The following SKAP2 variants were observed in gnomAD, a reference collection of about 807,000 sequenced individuals.
SKAP2 encodes the protein src kinase associated phosphoprotein 2.
Under a neutral mutation model 54.9 loss-of-function variants are expected in SKAP2, and 28 were observed. That is an observed-to-expected ratio of 0.51 (90% confidence interval 0.38 to 0.70). SKAP2 has a LOEUF of 0.70. SKAP2 is among the 30% of genes least tolerant of loss of function. The pLI, the probability that SKAP2 is intolerant of heterozygous loss-of-function variation, is 0.00. For synonymous variants in SKAP2, 137 were observed against 134.3 expected (o/e 1.02, Z -0.14); for missense variants, 356 against 424.1 (o/e 0.84, Z 1.41).
intron 4 of SKAP2, among the ~76,000 whole-genome samples, chr7:26,761,935 A>G (rs1782941386): frequency 1.3e-5 from 2 of 152,156 alleles, no homozygotes. Flanking sequence ...TGACCTTTCC[A>G]TGTCAAGAAT....
chr7:26,697,734 TAAGC>T (rs1398957441), intron 9 of SKAP2, among the ~76,000 whole-genome samples: 1 of 152,132 alleles, frequency 6.6e-6, no homozygotes, highest in Non-Finnish European at 1.5e-5. Flanking sequence ...AAAATAGAGA[TAAGC>T]AAAATAAATA....
chr7:26,678,442 CT>C (rs931425488), intron 11 of SKAP2, among the ~76,000 whole-genome samples: 366 of 133,772 alleles, frequency 2.7e-3, no homozygotes, highest in Middle Eastern at 7.8e-3. Flanking sequence ...ACTGGTTGTT[CT>C]TTTTTTTTTT....
chr7:26,832,418 T>G (rs566376195), intron 4 of SKAP2, among the ~76,000 whole-genome samples: 3 of 152,208 alleles, frequency 2.0e-5, no homozygotes, highest in Non-Finnish European at 2.9e-5. Context: ...AGACTAGTTA[T>G]GAAAAAGTTT....
chr7:26,805,982 C>CA (rs957267418), intron 4 of SKAP2, among the ~76,000 whole-genome samples: 9 of 152,060 alleles, frequency 5.9e-5, no homozygotes, highest in African/African-American at 2.2e-4. Context: ...TGGTAATTTT[C>CA]ACATCTGAAA....
intron 4 of SKAP2, among the ~76,000 whole-genome samples, chr7:26,752,982 T>C (rs1376836986): frequency 6.6e-6 from 1 of 152,210 alleles, no homozygotes; most frequent in Non-Finnish European, 1.5e-5. Context: ...CCTGGGTAAC[T>C]GAAAGGATTA....
At position 26,702,286 on chromosome 7, in the gene SKAP2, C is replaced by A. The variant is rs545150131; in HGVS notation, c.797-11924G>T. On this transcript the variant is annotated intron_variant, in intron 9 of 12. Coordinates refer to ENST00000345317, the MANE Select transcript of SKAP2 (RefSeq NM_003930.5). ...CCTCCCAAGTAGCTGAGACTGCAGG[C>A]GCACACTACTACATCCGGCTGATTT... 2.0e-5 allele frequency among the ~76,000 whole-genome samples: 3 copies of A among 152,160 alleles called. No homozygotes were observed. The East Asian group carries it at 5.8e-4, about 29-fold the overall frequency.
At chr7:26,679,929 C>A (rs900064720) in intron 11 of SKAP2, among the ~76,000 whole-genome samples, 1 of 152,146 alleles carries the variant, frequency 6.6e-6, no homozygotes, top group African/African-American at 2.4e-5. Context: ...CAAAAAGTAC[C>A]CTTTTATTTT....
intron 4 of SKAP2, among the ~76,000 whole-genome samples, chr7:26,745,653 T>C (rs888413546): frequency 1.3e-5 from 2 of 152,124 alleles, no homozygotes; most frequent in African/African-American, 4.8e-5. Flanking sequence ...TAGCTGGGAT[T>C]ATAGGTACAC....
intron 4 of SKAP2, among the ~76,000 whole-genome samples, chr7:26,839,730 G>A (rs573512693): frequency 1.3e-5 from 2 of 151,748 alleles, no homozygotes; most frequent in South Asian, 2.1e-4. Flanking sequence ...CATCTATTTC[G>A]TGGCTTTTGT....
intron 4 of SKAP2, among the ~76,000 whole-genome samples, chr7:26,756,383 T>G (rs1020753325): frequency 1.3e-5 from 2 of 152,150 alleles, no homozygotes; most frequent in Non-Finnish European, 2.9e-5. Flanking sequence ...TGTGTCCAAG[T>G]GTTCTCATTG....
At chr7:26,856,751 C>T (rs1055464267) in intron 1 of SKAP2, among the ~76,000 whole-genome samples, 5 of 152,186 alleles carry the variant, frequency 3.3e-5, no homozygotes, top group Admixed American at 2.6e-4. Flanking sequence ...TAGGAAGAAT[C>T]ACTGGCCCAA....
At chr7:26,830,407 A>C (rs1038261249) in intron 4 of SKAP2, among the ~76,000 whole-genome samples, 3 of 152,186 alleles carry the variant, frequency 2.0e-5, no homozygotes, top group African/African-American at 7.2e-5. Flanking sequence ...TCTATGGTTA[A>C]ATATATCTCA....
At chr7:26,755,408 T>G (rs1471650233) in intron 4 of SKAP2, among the ~76,000 whole-genome samples, 1 of 152,046 alleles carries the variant, frequency 6.6e-6, no homozygotes, top group African/African-American at 2.4e-5. Context: ...CAAGGTGTAT[T>G]TATAGGAGAA....
intron 4 of SKAP2, among the ~76,000 whole-genome samples, chr7:26,823,037 C>T (rs1469339087): frequency 6.6e-6 from 1 of 152,118 alleles, no homozygotes; most frequent in Non-Finnish European, 1.5e-5. Context: ...AAAAGGAAGG[C>T]CTCTTGTGCC....
At chr7:26,802,674 A>T (rs1783940118) in intron 4 of SKAP2, among the ~76,000 whole-genome samples, 1 of 152,016 alleles carries the variant, frequency 6.6e-6, no homozygotes, top group African/African-American at 2.4e-5. Flanking sequence ...CGAGGTCAAG[A>T]GATTGAGACC....
intron 4 of SKAP2, among the ~76,000 whole-genome samples, chr7:26,790,367 C>T (rs1262856713): frequency 6.6e-6 from 1 of 152,148 alleles, no homozygotes; most frequent in East Asian, 1.9e-4. Flanking sequence ...GACAGAAGAG[C>T]TACACAACAT....
At chr7:26,666,980 C>T (rs1309123621), downstream of SKAP2, 1 of 152,168 alleles carries the variant, frequency 6.6e-6, no homozygotes, top group Non-Finnish European at 1.5e-5. Context: ...TTAATTACTA[C>T]AATCAACACA....
At chr7:26,704,754 T>A (rs1052636372) in intron 9 of SKAP2, among the ~76,000 whole-genome samples, 3 of 152,166 alleles carry the variant, frequency 2.0e-5, no homozygotes, top group Non-Finnish European at 2.9e-5. Context: ...GTAAAACTCA[T>A]CTGATGGAGG....
At chr7:26,762,059 T>C (rs1782944022) in intron 4 of SKAP2, among the ~76,000 whole-genome samples, 1 of 152,212 alleles carries the variant, frequency 6.6e-6, no homozygotes, top group African/African-American at 2.4e-5. Context: ...TGCTATTTCA[T>C]ACTATCTTGA....
Sources: gnomAD v4.1 joint callset for allele counts (sites outside exome capture counted in the v4.1 genomes callset) on GRCh38, gnomAD v4.1.1 for gene constraint, MANE v1.5 for transcripts, NCBI Gene and HGNC (gene_info 2026-07-23, HGNC 2026-07-21) for gene names.